GRIK3: variants seen among roughly 807,000 people sequenced by gnomAD.
The protein encoded by GRIK3 is glutamate receptor ionotropic, kainate 3.
Under a neutral mutation model 102.5 loss-of-function variants are expected in GRIK3, and 29 were observed. The ratio of observed to expected loss-of-function variants is 0.28; its 90% CI spans 0.21 to 0.39. The LOEUF (loss-of-function observed/expected upper bound fraction) is 0.39. Among genes scored for constraint, GRIK3 ranks in the 10% least tolerant of loss-of-function variants. The pLI, the probability that GRIK3 is intolerant of heterozygous loss-of-function variation, is 1.00. For missense variants in GRIK3, 908 were observed against 1,252.4 expected (o/e 0.73, Z 4.15); for synonymous variants, 511 against 504.9 (o/e 1.01, Z -0.16).
At chr1:36,892,145 A>C (rs1347494617) in intron 1 of GRIK3, among the ~76,000 whole-genome samples, 2 of 152,048 alleles carry the variant, frequency 1.3e-5, no homozygotes, top group Non-Finnish European at 2.9e-5. Flanking sequence ...CAGTCTCTCA[A>C]GTTGCTGGGA....
Position 36,920,606 on chromosome 1 carries a change from AC to A in GRIK3, c.116-29511del, listed in dbSNP as rs1205074281. On this transcript the variant is annotated intron_variant, in intron 1 of 15. Coordinates refer to ENST00000373091, the MANE Select transcript of GRIK3 (RefSeq NM_000831.4). ...TCTGGCCTCTTGTGTCCACCTGAAG[AC>A]CCCTACAGTTACTGTTGGCCACCTC... Among the ~76,000 whole-genome samples the A allele has an allele frequency of 5.9e-5, 9 of 151,834 alleles. No homozygotes were observed. In the South Asian group the frequency reaches 8.4e-4, roughly 14 times the overall value.
At chr1:36,810,403 C>T (rs775361999) in intron 13 of GRIK3, among the ~76,000 whole-genome samples, 4 of 152,216 alleles carry the variant, frequency 2.6e-5, no homozygotes, top group South Asian at 2.1e-4. Flanking sequence ...AACCAATACA[C>T]GGCGGTGTGC....
chr1:36,952,167 T>C (rs1405359415), intron 1 of GRIK3, among the ~76,000 whole-genome samples: 4 of 152,148 alleles, frequency 2.6e-5, no homozygotes, highest in African/African-American at 9.7e-5. Flanking sequence ...TGCTGTACAA[T>C]ACGTACCACT....
At chr1:36,822,230 G>A (rs1405190856) in intron 11 of GRIK3, among the ~76,000 whole-genome samples, 2 of 152,262 alleles carry the variant, frequency 1.3e-5, no homozygotes, top group Non-Finnish European at 2.9e-5. Context: ...GAATGCTAAA[G>A]TGTGGCTCAA....
Position 36,850,584 on chromosome 1 carries a change from C to T in GRIK3, c.1213-160G>A, listed in dbSNP as rs968764391. On this transcript the variant is annotated intron_variant, in intron 8 of 15. Coordinates refer to ENST00000373091, the MANE Select transcript of GRIK3 (RefSeq NM_000831.4). The surrounding 1 kb of genome is among the most constrained non-coding windows in gnomAD (Gnocchi z 4.0). ...CATTGTGTTTCCAGTTATAACCGTT[C>T]TGGACAACATCCCTGCAGCTCTCCC... Among the ~76,000 whole-genome samples the T allele has an allele frequency of 4.6e-5, 7 of 152,334 alleles. No homozygotes were observed. The highest frequency in any genetic ancestry group is 1.9e-4 in the East Asian group (1 of 5,188).
intron 3 of GRIK3, among the ~76,000 whole-genome samples, chr1:36,873,738 T>C (rs1469057542): frequency 1.3e-5 from 2 of 152,024 alleles, no homozygotes; most frequent in African/African-American, 2.4e-5. Context: ...TCGTCAGCTC[T>C]AGGGGCAAAG....
intron 1 of GRIK3, among the ~76,000 whole-genome samples, chr1:36,945,068 G>C (rs576019231): frequency 6.6e-6 from 1 of 152,230 alleles, no homozygotes; most frequent in Admixed American, 6.5e-5. Context: ...CCTGGCCGTC[G>C]GCCACACTGT....
rs962610333 is a variant in GRIK3, at chr1:36,796,622, G to A, written c.*5229C>T. 2 of 152,276 alleles carry A rather than the reference G, an allele frequency of 1.3e-5. No individual in the cohort carries two copies. Among genetic ancestry groups the A allele is most frequent in the African/African-American group, 4.8e-5 (2 of 41,446 alleles). The allele number at this position is 152,276 out of a possible 1,614,324, so 9.4% of individuals were successfully genotyped here. On this transcript the variant is annotated 3_prime_UTR_variant, in exon 16 of 16. Transcript: ENST00000373091. ...GACAGGATCAGTAACAGGGGCATGG[G>A]AACACTGTATCGGCATGCTGGCCAT...
intron 10 of GRIK3, among the ~76,000 whole-genome samples, chr1:36,826,568 T>C (rs1355919321): frequency 2.6e-5 from 4 of 151,302 alleles, no homozygotes; most frequent in African/African-American, 9.7e-5. Context: ...CTTGGGAGGC[T>C]GAGGTGGGAG....
intron 1 of GRIK3, among the ~76,000 whole-genome samples, chr1:37,021,893 TACAAAG>T (rs1557466759): frequency 6.6e-5 from 10 of 152,114 alleles, no homozygotes; most frequent in Non-Finnish European, 1.5e-4. Context: ...TCCCCACTGA[TACAAAG>T]GAAAGTCACT....
intron 1 of GRIK3, among the ~76,000 whole-genome samples, chr1:36,894,035 A>G (rs190876887): frequency 2.9e-4 from 44 of 152,194 alleles, no homozygotes; most frequent in African/African-American, 1.0e-3. Flanking sequence ...GTATTATTAC[A>G]TTCTACAAGA....
chr1:36,986,048 C>G (rs1642300974), intron 1 of GRIK3, among the ~76,000 whole-genome samples: 1 of 152,090 alleles, frequency 6.6e-6, no homozygotes, highest in Admixed American at 6.5e-5. Flanking sequence ...CTTCCCCCAG[C>G]TATTCCTCAC....
chr1:36,858,341 G>T (rs1225879143), intron 7 of GRIK3, among the ~76,000 whole-genome samples: 1 of 152,230 alleles, frequency 6.6e-6, no homozygotes, highest in Non-Finnish European at 1.5e-5. Context: ...ATAGCTAGTT[G>T]TAACAGAGCC....
At chr1:36,909,592 C>A (rs965092947) in intron 1 of GRIK3, among the ~76,000 whole-genome samples, 10 of 152,138 alleles carry the variant, frequency 6.6e-5, no homozygotes, top group African/African-American at 1.9e-4. Flanking sequence ...TGAGCCACTG[C>A]GCCCGGCCTT....
intron 10 of GRIK3, among the ~76,000 whole-genome samples, chr1:36,832,759 T>C (rs1040553236): frequency 3.3e-5 from 5 of 152,188 alleles, no homozygotes; most frequent in African/African-American, 1.2e-4. Context: ...ATAGACCCCA[T>C]AGGGGTCCCC....
In GRIK3 at chr1:36,819,814, G is replaced by A. The variant is rs957112836; in HGVS notation, c.1795C>T (p.Pro599Ser). 2 of 1,599,398 alleles carry A rather than the reference G, an allele frequency of 1.3e-6. No individual in the cohort carries two copies. The highest frequency in any genetic ancestry group is 1.7e-5 in the Admixed American group (1 of 58,830). ...TTATTTTCCACCACCTCGGAGCCAG[G>A]GTTGCAGGGGTGAGCATCGTACCAC... ...YEWYDAHPCN[P>S]GSEVVENNFT... Residue 599 changes from proline to serine, a missense_variant, in exon 12 of 16, where the codon CCT becomes TCT. Physicochemically the swap from Pro to Ser is moderately conservative, Grantham distance 74. This residue lies in a region of GRIK3 where 585 missense variants were observed against 824.9 expected (regional missense o/e 0.71). Transcript: ENST00000373091. This position sits in a 1 kb window ranked among gnomAD's most constrained non-coding sequence, Gnocchi z 4.1.
intron 1 of GRIK3, among the ~76,000 whole-genome samples, chr1:36,997,588 C>A (rs1338803181): frequency 2.0e-5 from 3 of 152,174 alleles, no homozygotes; most frequent in Non-Finnish European, 2.9e-5. Context: ...GGTGGAGGTG[C>A]CCCCAGGCAG....
chr1:36,903,021 C>T (rs113368757), intron 1 of GRIK3, among the ~76,000 whole-genome samples: 8 of 152,266 alleles, frequency 5.3e-5, no homozygotes, highest in Non-Finnish European at 1.0e-4. Context: ...AACTCCTGAC[C>T]TCGAGTGATC....
intron 10 of GRIK3, among the ~76,000 whole-genome samples, chr1:36,827,946 CT>C (rs1363775320): frequency 3.3e-5 from 5 of 152,048 alleles, no homozygotes; most frequent in South Asian, 2.1e-4. Flanking sequence ...AATGGTCTTT[CT>C]TTTGTAAATG....
Sources: allele counts gnomAD v4.1 joint callset (sites outside exome capture counted in the v4.1 genomes callset), GRCh38; gene constraint gnomAD v4.1.1; regional missense constraint gnomAD v4.1.1; non-coding constraint Gnocchi (gnomAD v3.1); transcripts MANE v1.5; gene names NCBI Gene and HGNC (gene_info 2026-07-23, HGNC 2026-07-21).